Variants in RANBP2 observed in about 807,000 individuals in gnomAD.
RANBP2 encodes RAN binding protein 2.
Under a neutral mutation model 303.6 loss-of-function variants are expected in RANBP2, and 57 were observed. The observed-to-expected ratio is 0.19, with a 90% CI of 0.15 to 0.23. The LOEUF (loss-of-function observed/expected upper bound fraction) is 0.23, where lower values mean the gene tolerates loss of function less well. Ranked by LOEUF, RANBP2 falls within the 10% of genes least tolerant of loss-of-function variation. RANBP2 has a pLI of 1.00. For missense variants in RANBP2, 3,138 were observed against 3,780.8 expected, an observed-to-expected ratio of 0.83 and a Z score of 4.46; for synonymous variants, 1,167 against 1,301.5, an observed-to-expected ratio of 0.90 and a Z score of 2.23.
At chr2:109,090,335 CACACA>C in the RANBP2 span, among the ~76,000 whole-genome samples, 2 of 126,536 alleles carry the variant, frequency 1.6e-5, no homozygotes, top group African/African-American at 5.7e-5. Context: ...CACACACACA[CACACA>C]CACACACACA....
Position 108,719,691 on chromosome 2 carries a change from CGAA to C in RANBP2, c.72+16_72+18del. The C allele has an allele frequency of 6.3e-7, 1 of 1,594,252 alleles. No individual in the cohort carries two copies. The highest frequency in any genetic ancestry group is 8.5e-7 in the Non-Finnish European group (1 of 1,172,034). On this transcript the variant is annotated intron_variant, in intron 1 of 28. Transcript: ENST00000283195. ...GTCGCCTCGACAGGTGAGTGGGTCT[CGAA>C]GAGACCGACGGCCTCGACCTGGCCG...
chr2:109,149,085 T>C, the RANBP2 span, among the ~76,000 whole-genome samples: 1 of 152,190 alleles, frequency 6.6e-6, no homozygotes, highest in Non-Finnish European at 1.5e-5. Context: ...GAGTGCCTCA[T>C]GCAGGCCAGA....
chr2:109,066,195 G>A, the RANBP2 span, among the ~76,000 whole-genome samples: 4 of 151,808 alleles, frequency 2.6e-5, no homozygotes, highest in East Asian at 1.9e-4. Flanking sequence ...TGCAACCTCC[G>A]TCTCCTGGGT....
At chr2:109,205,890 C>G in the RANBP2 span, among the ~76,000 whole-genome samples, 8 of 152,152 alleles carry the variant, frequency 5.3e-5, no homozygotes, top group Non-Finnish European at 1.2e-4. Flanking sequence ...TCATAGAAAC[C>G]AACTGAAGGG....
chr2:109,652,481 TC>T, the RANBP2 span, among the ~76,000 whole-genome samples: 1 of 152,186 alleles, frequency 6.6e-6, no homozygotes, highest in African/African-American at 2.4e-5. Context: ...CACCTCGGCC[TC>T]CCAAAGTGCT....
the RANBP2 span, among the ~76,000 whole-genome samples, chr2:109,400,491 G>A: frequency 1.5e-4 from 22 of 151,464 alleles, no homozygotes; most frequent in African/African-American, 5.3e-4. Flanking sequence ...ATGCGTACAG[G>A]TGCATTTACA....
the RANBP2 span, among the ~76,000 whole-genome samples, chr2:108,863,437 C>T: frequency 4.6e-5 from 7 of 152,122 alleles, no homozygotes; most frequent in Non-Finnish European, 7.3e-5. Flanking sequence ...TTTCAAAAAA[C>T]ATCAGAGAAG....
chr2:109,367,384 C>G, the RANBP2 span, among the ~76,000 whole-genome samples: 5 of 152,126 alleles, frequency 3.3e-5, no homozygotes, highest in Non-Finnish European at 7.4e-5. Context: ...TGGGTTCAAG[C>G]AATTCTCCTG....
chr2:109,017,400 ATGAG>A, the RANBP2 span, among the ~76,000 whole-genome samples: 1 of 152,208 alleles, frequency 6.6e-6, no homozygotes, highest in African/African-American at 2.4e-5. Flanking sequence ...CAGCTTCTGA[ATGAG>A]AGAGAGAGCG....
the RANBP2 span, among the ~76,000 whole-genome samples, chr2:109,249,467 C>CTT: frequency 9.1e-5 from 9 of 99,368 alleles, no homozygotes; most frequent in South Asian, 8.0e-4. Context: ...TTCTCTCTTT[C>CTT]TCTTTCTTTC....
the RANBP2 span, among the ~76,000 whole-genome samples, chr2:109,686,225 C>T: frequency 3.9e-5 from 6 of 152,078 alleles, no homozygotes; most frequent in Non-Finnish European, 7.4e-5. Flanking sequence ...GCCCTGAGCC[C>T]GTGGCCACTG....
At chr2:108,919,061 G>A in the RANBP2 span, among the ~76,000 whole-genome samples, 8 of 152,112 alleles carry the variant, frequency 5.3e-5, no homozygotes, top group South Asian at 2.1e-4. Context: ...ATTGCTCAGC[G>A]GGTCCCTGGA....
chr2:109,764,301 C>A, the RANBP2 span, among the ~76,000 whole-genome samples: 1 of 146,752 alleles, frequency 6.8e-6, no homozygotes, highest in African/African-American at 2.5e-5. Context: ...TATGCAGAGG[C>A]GCAAGGCTGC....
the RANBP2 span, among the ~76,000 whole-genome samples, chr2:109,091,662 C>T: frequency 6.6e-6 from 1 of 152,208 alleles, no homozygotes; most frequent in African/African-American, 2.4e-5. Context: ...TGGTAGCCCC[C>T]TCCAGCAATG....
the RANBP2 span, among the ~76,000 whole-genome samples, chr2:109,082,967 A>G: frequency 6.6e-6 from 1 of 151,958 alleles, no homozygotes; most frequent in East Asian, 1.9e-4. Flanking sequence ...CTGGGACTAC[A>G]GGCATCTGCC....
At chr2:109,406,848 C>G in the RANBP2 span, among the ~76,000 whole-genome samples, 1 of 152,046 alleles carries the variant, frequency 6.6e-6, no homozygotes, top group Admixed American at 6.5e-5. Context: ...TTTCAGTGGT[C>G]GAAGCCAATC....
At chr2:109,271,267 C>A in the RANBP2 span, among the ~76,000 whole-genome samples, 6 of 152,198 alleles carry the variant, frequency 3.9e-5, no homozygotes, top group Non-Finnish European at 8.8e-5. Flanking sequence ...CCTGGCCCTG[C>A]ACCCAGGAGT....
At chr2:109,514,558 G>C in the RANBP2 span, among the ~76,000 whole-genome samples, 1 of 152,176 alleles carries the variant, frequency 6.6e-6, no homozygotes, top group South Asian at 2.1e-4. Flanking sequence ...GGGAAGCCCT[G>C]GTGTGGGACC....
At chr2:109,516,986 T>G in the RANBP2 span, among the ~76,000 whole-genome samples, 1 of 152,192 alleles carries the variant, frequency 6.6e-6, no homozygotes, top group East Asian at 1.9e-4. Flanking sequence ...CAGTGTACAG[T>G]TCGGGTAAGG....
Sources: allele counts gnomAD v4.1 joint callset (sites outside exome capture counted in the v4.1 genomes callset), GRCh38; gene constraint gnomAD v4.1.1; transcripts MANE v1.5; gene names NCBI Gene and HGNC (gene_info 2026-07-23, HGNC 2026-07-21).